Variants in ADGRB2 observed in about 807,000 individuals in gnomAD.
ADGRB2 encodes the protein adhesion G protein-coupled receptor B2.
Under a neutral mutation model 178.7 loss-of-function variants are expected in ADGRB2, and 47 were observed. The ratio of observed to expected loss-of-function variants is 0.26; its 90% CI spans 0.21 to 0.34. The LOEUF is 0.34. Among genes scored for constraint, ADGRB2 ranks in the 10% least tolerant of loss-of-function variants. The probability of loss-of-function intolerance (pLI) is 1.00; values close to 1 mark genes in which losing one functional copy is unlikely to be tolerated. For missense variants in ADGRB2, 1,584 were observed against 2,180.8 expected, an observed-to-expected ratio of 0.73 and a Z score of 5.45; for synonymous variants, 870 against 912.4, an observed-to-expected ratio of 0.95 and a Z score of 0.84.
Position 31,735,124 on chromosome 1 carries a change from G to GCC in ADGRB2, c.3452+57_3452+58dup. ...TCCTCCTCCCCCCACCATGGGCACT[G>GCC]CCCCCCCCAATTCCTTTGCCCCACC... On this transcript the variant is annotated intron_variant, in intron 25 of 32. Transcript: ENST00000373658. The surrounding 1 kb of genome is among the most constrained non-coding windows in gnomAD (Gnocchi z 6.0). The GCC allele has an allele frequency of 2.3e-6, 2 of 878,096 alleles. No individual in the cohort carries two copies. Among genetic ancestry groups the GCC allele is most frequent in the African/African-American group, 1.7e-5 (1 of 57,220 alleles). The allele number at this position is 878,096 out of a possible 1,614,324, so 54.4% of individuals were successfully genotyped here.
rs1298726119 is a variant in ADGRB2, at chr1:31,735,203, T to TGAG, written c.3429_3431dup (p.Ser1144dup). 7.2e-7 allele frequency: 1 copy of TGAG among 1,383,976 alleles called. No homozygotes were observed. The highest frequency in any genetic ancestry group is 2.8e-5 in the East Asian group (1 of 35,322). The allele number at this position is 1,383,976 out of a possible 1,614,324, so 85.7% of individuals were successfully genotyped here. A position where few individuals can be genotyped will look rare whatever the true frequency, so the allele number is the denominator to read the frequency against. ...CTAACATGGCGTTCCTGGCCGAGGC[T>TGAG]GAGCTGAGCAGGGGGCTGGGGACCG... On this transcript the variant is annotated inframe_insertion, in exon 25 of 33. Coordinates refer to ENST00000373658, the MANE Select transcript of ADGRB2 (RefSeq NM_001364857.2). The surrounding 1 kb of genome is among the most constrained non-coding windows in gnomAD (Gnocchi z 6.0).
chr1:31,760,673 C>G (rs571624907), intron 1 of ADGRB2: 1 of 152,320 alleles, frequency 6.6e-6, no homozygotes, highest in East Asian at 1.9e-4. Context: ...TTCGCCCGCC[C>G]GTCACTCACC....
chr1:31,738,946 C>G lies in ADGRB2; in HGVS notation c.2496-9G>C. 1 of 1,602,328 alleles carries G rather than the reference C, an allele frequency of 6.2e-7. No individual in the cohort carries two copies. Among genetic ancestry groups the G allele is most frequent in the Non-Finnish European group, 8.5e-7 (1 of 1,172,426 alleles). On this transcript the variant is annotated splice_polypyrimidine_tract_variant and intron_variant, in intron 15 of 32. Transcript: ENST00000373658. ...TGACGGCCAGCGGGGGCCTGCGGGA[C>G]AGGTACCGAAGTCAGCTCCTGCCAG...
rs1038018952 is a variant in ADGRB2, at chr1:31,727,780, CCT to C, written c.4573-177_4573-176del. ...TGGTTCCAGGGTGGGGCTCCTGACC[CCT>C]GTTCTCAGTGGCCCCCAGGACATGT... On this transcript the variant is annotated intron_variant, in intron 32 of 32. Transcript: ENST00000373658. This position sits in a 1 kb window ranked among gnomAD's most constrained non-coding sequence, Gnocchi z 4.4. 6.5e-5 allele frequency: 57 copies of C among 878,398 alleles called. No homozygotes were observed. Among genetic ancestry groups the C allele is most frequent in the African/African-American group, 4.4e-4 (26 of 58,970 alleles). The allele number at this position is 878,398 out of a possible 1,614,324, so 54.4% of individuals were successfully genotyped here.
chr1:31,759,189 T>C lies in ADGRB2; in HGVS notation c.-190-1678A>G. 1 of 732,590 alleles carries C rather than the reference T, an allele frequency of 1.4e-6. No homozygotes were observed. Among genetic ancestry groups the C allele is most frequent in the South Asian group, 1.5e-5 (1 of 66,632 alleles). The allele number at this position is 732,590 out of a possible 1,614,324, so 45.4% of individuals were successfully genotyped here. A position where few individuals can be genotyped will look rare whatever the true frequency, so the allele number is the denominator to read the frequency against. Reference sequence around the variant, plus strand: ...GAATGGATACATATGTACACGGACATGCACACAGGTGAAACCCACAGATTC... The same window carrying C: ...GAATGGATACATATGTACACGGACACGCACACAGGTGAAACCCACAGATTC... On this transcript the variant is annotated intron_variant, in intron 1 of 32. Coordinates refer to ENST00000373658, the MANE Select transcript of ADGRB2 (RefSeq NM_001364857.2). The surrounding 1 kb of genome is among the most constrained non-coding windows in gnomAD (Gnocchi z 4.3).
chr1:31,750,847 T>C (rs1282412462), intron 4 of ADGRB2, among the ~76,000 whole-genome samples: 1 of 151,850 alleles, frequency 6.6e-6, no homozygotes, highest in African/African-American at 2.4e-5. Flanking sequence ...GGTACCCCTA[T>C]GAGATCATGT....
At chr1:31,737,578 C>T (rs770901663) in intron 19 of ADGRB2, 47 bp from the exon 20 acceptor site, 46 of 1,611,432 alleles carry the variant, frequency 2.9e-5, no homozygotes, top group Middle Eastern at 1.7e-4. Context: ...CTGCCCCATC[C>T]GACCTGGTGT....
At chr1:31,763,018 C>T (rs972179738) in intron 1 of ADGRB2, among the ~76,000 whole-genome samples, 10 of 152,360 alleles carry the variant, frequency 6.6e-5, no homozygotes, top group Admixed American at 6.5e-4. Context: ...AACTTCACAG[C>T]CTACAACCCC....
In ADGRB2 at chr1:31,742,689, G is replaced by A. The variant is rs1057444309; in HGVS notation, c.1252+149C>T. ...GGGCTAGGGGGTCACCTCGCACACA[G>A]GCAGGCATACTTCTCCAGTCTCCCC... On this transcript the variant is annotated intron_variant, in intron 7 of 32. Coordinates refer to ENST00000373658, the MANE Select transcript of ADGRB2 (RefSeq NM_001364857.2). The A allele has an allele frequency of 8.3e-6, 8 of 967,258 alleles. No homozygotes were observed. In the African/African-American group the frequency reaches 1.2e-4, roughly 15 times the overall value. The allele number at this position is 967,258 out of a possible 1,614,324, so 59.9% of individuals were successfully genotyped here.
intron 20 of ADGRB2, among the ~76,000 whole-genome samples, chr1:31,737,120 G>A (rs1645656353): frequency 6.6e-6 from 1 of 152,120 alleles, no homozygotes; most frequent in South Asian, 2.1e-4. Context: ...GGCAAAAGGA[G>A]GCCTCACTCA....
rs1646182432 is a variant in ADGRB2 at position 31,744,628 on chromosome 1, G to A, written c.922+20C>T. The A allele has an allele frequency of 6.2e-7, 1 of 1,613,088 alleles. No individual in the cohort carries two copies. Among genetic ancestry groups the A allele is most frequent in the Non-Finnish European group, 8.5e-7 (1 of 1,179,406 alleles). On this transcript the variant is annotated intron_variant, in intron 5 of 32. Transcript: ENST00000373658. The surrounding 1 kb of genome is among the most constrained non-coding windows in gnomAD (Gnocchi z 6.7). The stretch of plus-strand genomic sequence containing the variant: ...CAGTCGGGCCCCCGCCGCAGAGGAA[G>A]GGAGGCGGGCCCGAGTTACCTGTCT...
chr1:31,732,962 C>A lies in ADGRB2; in HGVS notation c.3624+10G>T. Reference sequence around the variant, plus strand: ...GTGGGCACACACAGGCGGGAGAGGCCCAGCCCCACCTCTCGGCGCAGGAAG... The same window carrying A: ...GTGGGCACACACAGGCGGGAGAGGCACAGCCCCACCTCTCGGCGCAGGAAG... On this transcript the variant is annotated intron_variant, in intron 26 of 32. Transcript: ENST00000373658. The A allele has an allele frequency of 6.5e-7, 1 of 1,549,160 alleles. No homozygotes were observed. Among genetic ancestry groups the A allele is most frequent in the Non-Finnish European group, 8.7e-7 (1 of 1,146,460 alleles).
Position 31,733,064 on chromosome 1 carries a change from G to A in ADGRB2, c.3532C>T (p.Arg1178Cys), listed in dbSNP as rs756844985. 3.2e-6 allele frequency: 5 copies of A among 1,581,190 alleles called. No individual in the cohort carries two copies. The highest frequency in any genetic ancestry group is 4.3e-6 in the Non-Finnish European group (5 of 1,163,788). Residue 1178 changes from arginine (R) to cysteine (C), a missense_variant, in exon 26 of 33, where the codon CGC (arginine) becomes TGC (cysteine). Transcript: ENST00000373658. This position sits in a 1 kb window ranked among gnomAD's most constrained non-coding sequence, Gnocchi z 4.3. ...WMSAVLAMTD[R>C]RSVLFQALFA... Reference sequence around the variant, plus strand: ...AGGGCCTGGAAGAGGACGGAACGGCGGTCTGTCATAGCCAGGACGGCAGAC... The same window carrying A: ...AGGGCCTGGAAGAGGACGGAACGGCAGTCTGTCATAGCCAGGACGGCAGAC...
chr1:31,743,133 C>G lies in ADGRB2; in HGVS notation c.1088-131G>C, dbSNP rs1024811142. ...CTCCTCATTGGCTCTGCCCCGGGAT[C>G]TGTTGCCAGGGGGATCTCCCAGGGC... On this transcript the variant is annotated intron_variant, in intron 6 of 32. Transcript: ENST00000373658. 7.2e-6 allele frequency: 8 copies of G among 1,116,150 alleles called. No individual in the cohort carries two copies. In the African/African-American group the frequency reaches 1.3e-4, roughly 18 times the overall value. 69.1% of individuals were successfully genotyped at this position (1,116,150 alleles called of 1,614,324 possible). A position where few individuals can be genotyped will look rare whatever the true frequency, so the allele number is the denominator to read the frequency against.
At chr1:31,738,757 G>A (rs1645769486) in intron 16 of ADGRB2, 75 bp downstream of exon 16, 1 of 1,595,924 alleles carries the variant, frequency 6.3e-7, no homozygotes, top group South Asian at 1.1e-5. Context: ...CAGGGACAGA[G>A]TGCTTCCCAC....
At position 31,738,570 on chromosome 1, in the gene ADGRB2, G is replaced by C. The variant is rs752767347; in HGVS notation, c.2645+17C>G. Reference sequence around the variant, plus strand: ...AGGGCTGCTCCCTTCCTCACCCAGAGGAGCCACCCAACTCACGCTCTGGAG... The same window carrying C: ...AGGGCTGCTCCCTTCCTCACCCAGACGAGCCACCCAACTCACGCTCTGGAG... On this transcript the variant is annotated intron_variant, in intron 17 of 32. Transcript: ENST00000373658. 3 of 1,603,360 alleles carry C rather than the reference G, an allele frequency of 1.9e-6. No individual in the cohort carries two copies. Among genetic ancestry groups the C allele is most frequent in the Middle Eastern group, 1.7e-4 (1 of 6,046 alleles).
At chr1:31,748,880 G>A (rs774018585) in intron 4 of ADGRB2, among the ~76,000 whole-genome samples, 76 of 152,106 alleles carry the variant, frequency 5.0e-4, no homozygotes, top group Non-Finnish European at 9.3e-4. Context: ...TCCTCATCAG[G>A]GCTGGTTTCC....
At position 31,732,192 on chromosome 1, in the gene ADGRB2, G is replaced by A. The variant is rs376777430; in HGVS notation, c.3721-38C>T. The A allele has an allele frequency of 6.2e-6, 10 of 1,613,478 alleles. No individual in the cohort carries two copies. The African/African-American group carries it at 9.3e-5, about 15-fold the overall frequency. On this transcript the variant is annotated intron_variant, in intron 27 of 32. Transcript: ENST00000373658. ...AGGGAGGGGCAGGTGGGCAGAGGGA[G>A]GATTAATGTATCAGGGTGGGAGGAG...
chr1:31,741,938 C>T lies in ADGRB2; in HGVS notation c.1447G>A (p.Ala483Thr). 6.3e-7 allele frequency: 1 copy of T among 1,599,556 alleles called. No individual in the cohort carries two copies. Residue 483 changes from alanine to threonine, a missense_variant, in exon 9 of 33, where the codon GCG (alanine) becomes ACG (threonine). Transcript: ENST00000373658. This position sits in a 1 kb window ranked among gnomAD's most constrained non-coding sequence, Gnocchi z 6.5. ...CACGTCTTAGAGCACAGGCTCCACGCATTCCATGGCCCCCACTTGCTATCA... is the reference window on the plus strand; with the variant it reads ...CACGTCTTAGAGCACAGGCTCCACGTATTCCATGGCCCCCACTTGCTATCA... ...ATDSKWGPWN[A>T]WSLCSKTCDT...
Sources: gnomAD v4.1 joint callset for allele counts (sites outside exome capture counted in the v4.1 genomes callset) on GRCh38, gnomAD v4.1.1 for gene constraint, Gnocchi (gnomAD v3.1) non-coding constraint, MANE v1.5 for transcripts, NCBI Gene and HGNC (gene_info 2026-07-23, HGNC 2026-07-21) for gene names.